The following CSPP1 variants were observed in gnomAD, a reference collection of about 807,000 sequenced individuals.
CSPP1 encodes centrosome and spindle pole associated protein 1.
Under a neutral mutation model 164.4 loss-of-function variants are expected in CSPP1, and 126 were observed. The ratio of observed to expected loss-of-function variants is 0.77; its 90% CI spans 0.66 to 0.89. The LOEUF (loss-of-function observed/expected upper bound fraction) is 0.89, where lower values mean the gene tolerates loss of function less well. CSPP1 is among the 40% of genes least tolerant of loss of function. The pLI is 0.00. For missense variants in CSPP1, 1,395 were observed against 1,449.8 expected (o/e 0.96, Z 0.61); for synonymous variants, 472 against 476.7 (o/e 0.99, Z 0.13).
At chr8:67,145,015 T>C (rs1824232115) in intron 17 of CSPP1, among the ~76,000 whole-genome samples, 1 of 144,068 alleles carries the variant, frequency 6.9e-6, no homozygotes, top group Non-Finnish European at 1.5e-5. Context: ...GAGGTTGCAG[T>C]GAGCCAAGAT....
intron 1 of CSPP1, among the ~76,000 whole-genome samples, chr8:67,067,530 C>A (rs1268083939): frequency 6.6e-6 from 1 of 152,100 alleles, no homozygotes; most frequent in Admixed American, 6.6e-5. Context: ...GTGGCACGAT[C>A]TCAGCTCACT....
chr8:67,171,968 C>T (rs914598011), intron 24 of CSPP1, among the ~76,000 whole-genome samples: 2 of 152,006 alleles, frequency 1.3e-5, no homozygotes, highest in Non-Finnish European at 2.9e-5. Context: ...CTGCCTCAGC[C>T]TCCCGAGTAG....
intron 24 of CSPP1, among the ~76,000 whole-genome samples, chr8:67,167,698 G>T (rs1586678296): frequency 6.6e-6 from 1 of 151,916 alleles, no homozygotes; most frequent in Non-Finnish European, 1.5e-5. Flanking sequence ...CATCCCAGAT[G>T]GGGTGGCGGG....
intron 27 of CSPP1, among the ~76,000 whole-genome samples, chr8:67,179,460 A>G (rs966353474): frequency 3.3e-5 from 5 of 152,224 alleles, no homozygotes; most frequent in Admixed American, 3.3e-4. Context: ...GTTTATGGAA[A>G]TTCGGATGAA....
intron 28 of CSPP1, among the ~76,000 whole-genome samples, chr8:67,189,732 T>C (rs552178584): frequency 6.6e-6 from 1 of 152,304 alleles, no homozygotes; most frequent in South Asian, 2.1e-4. Context: ...AACTTATTGG[T>C]GTAGCAAAGA....
intron 3 of CSPP1, among the ~76,000 whole-genome samples, chr8:67,077,453 A>T (rs1808195251): frequency 6.6e-6 from 1 of 151,812 alleles, no homozygotes; most frequent in South Asian, 2.1e-4. Context: ...CTCCTGTCTC[A>T]GTCTCTCAAG....
intron 15 of CSPP1, among the ~76,000 whole-genome samples, chr8:67,126,041 AG>A (rs1819988924): frequency 6.6e-6 from 1 of 152,172 alleles, no homozygotes; most frequent in Non-Finnish European, 1.5e-5. Flanking sequence ...TATGTTGCTC[AG>A]GCTGGTCTCC....
rs999505301 is a variant in CSPP1 at position 67,196,242 on chromosome 8, ATTT to A, written c.*652_*654del. ...TGTAACTACTTCTTGATATAAATAA[ATTT>A]TTATTTTAATTACTAAAATCTTTTT... On this transcript the variant is annotated 3_prime_UTR_variant, in exon 31 of 31. Transcript: ENST00000678616. The A allele has an allele frequency of 6.6e-6, 1 of 152,194 alleles. No homozygotes were observed. Among genetic ancestry groups the A allele is most frequent in the South Asian group, 2.1e-4 (1 of 4,830 alleles). 9.4% of individuals were successfully genotyped at this position (152,194 alleles called of 1,614,324 possible). A position where few individuals can be genotyped will look rare whatever the true frequency, so the allele number is the denominator to read the frequency against.
At chr8:67,151,643 T>C (rs924777257) in intron 18 of CSPP1, among the ~76,000 whole-genome samples, 2 of 152,174 alleles carry the variant, frequency 1.3e-5, no homozygotes, top group Non-Finnish European at 2.9e-5. Flanking sequence ...ATTTGTTGCC[T>C]ATAGCCTTTC....
intron 15 of CSPP1, among the ~76,000 whole-genome samples, chr8:67,122,035 A>T (rs1444310011): frequency 6.6e-6 from 1 of 151,520 alleles, no homozygotes; most frequent in African/African-American, 2.4e-5. Flanking sequence ...ATTATATTTT[A>T]TTATTTATTT....
intron 10 of CSPP1, among the ~76,000 whole-genome samples, chr8:67,112,657 G>A (rs1213380468): frequency 2.0e-5 from 3 of 151,900 alleles, no homozygotes; most frequent in South Asian, 2.1e-4. Flanking sequence ...TCCTCTCTAC[G>A]TCTGACCTGG....
intron 16 of CSPP1, chr8:67,133,633 G>C (rs376984986): frequency 6.6e-6 from 1 of 152,240 alleles, no homozygotes; most frequent in South Asian, 2.1e-4. Flanking sequence ...TTGGGTGGCT[G>C]TGGCAATTTC....
chr8:67,118,887 A>G, intron 15 of CSPP1, 66 bp downstream of exon 15: 1 of 1,041,448 alleles, frequency 9.6e-7, no homozygotes, highest in Middle Eastern at 2.0e-4. Flanking sequence ...ACATAACCTA[A>G]AAGCCACCAT....
Position 67,190,750 on chromosome 8 carries a change from A to G in CSPP1, c.3321A>G (p.Gly1107=). ...ARERRRNKWK[G]LDIDSSRPNV... Reference sequence around the variant, plus strand: ...AGCGCAGGAGGAACAAATGGAAAGGACTAGACATTGTATGTATGAGACTTT... The same window carrying G: ...AGCGCAGGAGGAACAAATGGAAAGGGCTAGACATTGTATGTATGAGACTTT... Residue 1107 remains glycine (G), a synonymous_variant, in exon 29 of 31, where the codon GGA becomes GGG. Coordinates refer to ENST00000678616, the MANE Select transcript of CSPP1 (RefSeq NM_001382391.1). 1 of 1,607,902 alleles carries G rather than the reference A, an allele frequency of 6.2e-7. No individual in the cohort carries two copies. The highest frequency in any genetic ancestry group is 8.5e-7 in the Non-Finnish European group (1 of 1,174,306).
At chr8:67,180,690 C>A (rs764328570) in intron 28 of CSPP1, among the ~76,000 whole-genome samples, 10 of 152,012 alleles carry the variant, frequency 6.6e-5, no homozygotes, top group Non-Finnish European at 1.3e-4. Context: ...CAAAATGTTA[C>A]CATTGGGGGA....
At chr8:67,119,620 A>G (rs941099252) in intron 15 of CSPP1, among the ~76,000 whole-genome samples, 1 of 151,984 alleles carries the variant, frequency 6.6e-6, no homozygotes, top group Non-Finnish European at 1.5e-5. Flanking sequence ...TGTAGGTTTA[A>G]TTTGCATTTC....
chr8:67,083,791 C>A (rs190798881), intron 3 of CSPP1: 2 of 151,904 alleles, frequency 1.3e-5, no homozygotes, highest in East Asian at 3.9e-4. Flanking sequence ...AATAGAACAT[C>A]CATTGTGACC....
intron 19 of CSPP1, chr8:67,157,663 C>G (rs1826927748): frequency 6.6e-6 from 1 of 152,116 alleles, no homozygotes; most frequent in Non-Finnish European, 1.5e-5. Flanking sequence ...TGATCCATAC[C>G]TAAGGATAAC....
intron 18 of CSPP1, among the ~76,000 whole-genome samples, chr8:67,151,432 C>A (rs1825667359): frequency 1.3e-5 from 2 of 152,124 alleles, no homozygotes; most frequent in Non-Finnish European, 2.9e-5. Flanking sequence ...GATCTCATTG[C>A]CATACAGAGT....
Sources: gnomAD v4.1 joint callset for allele counts (sites outside exome capture counted in the v4.1 genomes callset) on GRCh38, gnomAD v4.1.1 for gene constraint, MANE v1.5 for transcripts, NCBI Gene and HGNC (gene_info 2026-07-23, HGNC 2026-07-21) for gene names.